SEMA4D: variants seen among roughly 807,000 people sequenced by gnomAD.
SEMA4D encodes semaphorin 4D.
Under a neutral mutation model 74.8 loss-of-function variants are expected in SEMA4D, and 22 were observed. The observed-to-expected ratio is 0.29, with a 90% CI of 0.21 to 0.42. The LOEUF (loss-of-function observed/expected upper bound fraction) is 0.42, where lower values mean the gene tolerates loss of function less well. Ranked by LOEUF, SEMA4D falls within the 10% of genes least tolerant of loss-of-function variation. The pLI, the probability that SEMA4D is intolerant of heterozygous loss-of-function variation, is 1.00. For synonymous variants in SEMA4D, 445 were observed against 463.7 expected (o/e 0.96, Z 0.52); for missense variants, 937 against 1,118.4 (o/e 0.84, Z 2.31).
At chr9:89,363,513 C>T in exon 18 of SEMA4D, 1 of 1,614,100 alleles carries the variant, frequency 6.2e-7, no homozygotes, top group Non-Finnish European at 8.5e-7. Flanking sequence ...GTCCACCTCT[C>T]CTGGTGGGTC....
intron 18 of SEMA4D, among the ~76,000 whole-genome samples, chr9:89,363,207 T>C (rs578065393): frequency 5.9e-5 from 9 of 152,330 alleles, no homozygotes; most frequent in African/African-American, 1.9e-4. Context: ...CAGTCTCTTT[T>C]AAGGGCTGGG....
At chr9:89,442,805 C>A (rs1274992101) in intron 2 of SEMA4D, among the ~76,000 whole-genome samples, 2 of 152,216 alleles carry the variant, frequency 1.3e-5, no homozygotes, top group African/African-American at 4.8e-5. Context: ...ATCCTTCTCA[C>A]CATTTCCCAG....
chr9:89,392,438 T>C lies in SEMA4D; in HGVS notation c.607A>G (p.Ile203Val), dbSNP rs746515145. 2 of 1,612,730 alleles carry C rather than the reference T, an allele frequency of 1.2e-6. No individual in the cohort carries two copies. Among genetic ancestry groups the C allele is most frequent in the Admixed American group, 3.3e-5 (2 of 60,014 alleles). Residue 203 changes from isoleucine (I) to valine (V), a missense_variant, in exon 8 of 16, where the codon ATC becomes GTC. Transcript: ENST00000422704. ...SHSPLRTEYA[I>V]PWLNEPSFVF... ...TCTTCCTTACCGTTCAGCCAAGGGATTGCATATTCTGTCCTCAGAGGACTG... is the reference window on the plus strand; with the variant it reads ...TCTTCCTTACCGTTCAGCCAAGGGACTGCATATTCTGTCCTCAGAGGACTG...
intron 1 of SEMA4D, among the ~76,000 whole-genome samples, chr9:89,460,333 G>A (rs995346609): frequency 6.6e-6 from 1 of 152,190 alleles, no homozygotes; most frequent in East Asian, 1.9e-4. Context: ...ACAAAGAAAA[G>A]CCCTTTGGCC....
Position 89,382,920 on chromosome 9 carries a change from T to C in SEMA4D, c.1447-1574A>G, listed in dbSNP as rs111945572. Among the ~76,000 whole-genome samples, 995 of 152,208 alleles carry C rather than the reference T, an allele frequency of 6.5e-3. 12 individuals are homozygous for C. The highest frequency in any genetic ancestry group is 0.026 in the South Asian group (124 of 4,818). ...GGTGGGCTCTGGGGGGCAAGGCCTG[T>C]CCCAAGGGGATCCAGACCACCTCCT... is the stretch of plus-strand genomic sequence containing the variant. On this transcript the variant is annotated intron_variant, in intron 13 of 15. Transcript: ENST00000422704.
At chr9:89,475,476 CCCT>C (rs1309079234) in intron 1 of SEMA4D, among the ~76,000 whole-genome samples, 1 of 152,206 alleles carries the variant, frequency 6.6e-6, no homozygotes, top group African/African-American at 2.4e-5. Context: ...TGACCTGAGT[CCCT>C]CCTACCTCTG....
At chr9:89,466,293 A>G (rs188445312) in intron 1 of SEMA4D, among the ~76,000 whole-genome samples, 2 of 152,330 alleles carry the variant, frequency 1.3e-5, no homozygotes, top group African/African-American at 4.8e-5. Context: ...CCACGTAGTG[A>G]TGCAGACTCA....
intron 3 of SEMA4D, 51 bp downstream of exon 3, chr9:89,405,300 G>C: frequency 6.7e-7 from 1 of 1,495,054 alleles, no homozygotes; most frequent in Non-Finnish European, 9.3e-7. Context: ...ATCCCAGGCA[G>C]TGAGGTCCCC....
chr9:89,493,924 G>A (rs1271421704), intron 1 of SEMA4D, among the ~76,000 whole-genome samples: 1 of 152,178 alleles, frequency 6.6e-6, no homozygotes, highest in East Asian at 1.9e-4. Flanking sequence ...TGAGTGTAAG[G>A]ATAACCCTTC....
At chr9:89,391,441 C>T in intron 8 of SEMA4D, 26 bp from the exon 9 acceptor site, 1 of 1,613,594 alleles carries the variant, frequency 6.2e-7, no homozygotes, top group Non-Finnish European at 8.5e-7. Context: ...AGTGATTATC[C>T]CAGAACACAG....
chr9:89,426,095 A>AGC (rs1010332774), intron 2 of SEMA4D, among the ~76,000 whole-genome samples: 1 of 152,122 alleles, frequency 6.6e-6, no homozygotes, highest in African/African-American at 2.4e-5. Context: ...CCGCAGGGGG[A>AGC]GCGCATGCAG....
intron 2 of SEMA4D, among the ~76,000 whole-genome samples, chr9:89,435,173 AAG>A (rs1276874992): frequency 2.0e-5 from 3 of 152,186 alleles, no homozygotes; most frequent in African/African-American, 7.2e-5. Flanking sequence ...AATCCCCACT[AAG>A]AGAGTCATGA....
chr9:89,477,853 A>G (rs1470940054), intron 1 of SEMA4D, among the ~76,000 whole-genome samples: 1 of 152,246 alleles, frequency 6.6e-6, no homozygotes, highest in Non-Finnish European at 1.5e-5. Context: ...ATATCCAACA[A>G]GTATTCTTGT....
intron 18 of SEMA4D, chr9:89,362,517 G>T (rs1016523807): frequency 3.7e-6 from 6 of 1,610,734 alleles, no homozygotes; most frequent in Admixed American, 1.7e-5. Context: ...GCCCATCCCA[G>T]GCAGAGCACT....
intron 4 of SEMA4D, among the ~76,000 whole-genome samples, chr9:89,402,281 A>G (rs544901548): frequency 6.6e-6 from 1 of 152,290 alleles, no homozygotes; most frequent in Admixed American, 6.5e-5. Flanking sequence ...TCAGGAAGGA[A>G]ACCGAGGCTG....
intron 18 of SEMA4D, among the ~76,000 whole-genome samples, chr9:89,362,703 GAGGATC>G (rs1832884534): frequency 1.3e-5 from 2 of 152,250 alleles, no homozygotes; most frequent in South Asian, 4.1e-4. Flanking sequence ...CTGAAGTACA[GAGGATC>G]AGCTGTAAAT....
At chr9:89,389,882 CAT>C (rs1178018180) in intron 9 of SEMA4D, among the ~76,000 whole-genome samples, 1 of 152,166 alleles carries the variant, frequency 6.6e-6, no homozygotes, top group East Asian at 1.9e-4. Context: ...TCAGGGGTCT[CAT>C]GTGGCTTTCA....
chr9:89,388,638 C>T lies in SEMA4D; in HGVS notation c.1105G>A (p.Ala369Thr), dbSNP rs765099318. 3 of 1,597,998 alleles carry T rather than the reference C, an allele frequency of 1.9e-6. No individual in the cohort carries two copies. The highest frequency in any genetic ancestry group is 2.2e-5 in the South Asian group (2 of 90,304). The change falls in exon 11 of 16, where the codon GCG (alanine) becomes ACG (threonine). Residue 369 changes from alanine to threonine, a missense_variant and splice_region_variant. Physicochemically the swap from Ala to Thr is moderately conservative, Grantham distance 58. Transcript: ENST00000422704. The stretch of plus-strand genomic sequence containing the variant: ...CCGCCCCCAGTGCCCCAGCTCACCG[C>T]TCCAGGCCGCGGCTTGGGTACCGGG... ...NGPVPKPRPGACIDSEARAAN... is the reference protein window; with the variant it reads ...NGPVPKPRPGTCIDSEARAAN...
intron 15 of SEMA4D, 28 bp from the exon 16 acceptor site, chr9:89,379,657 C>A: frequency 6.3e-7 from 1 of 1,577,522 alleles, no homozygotes; most frequent in South Asian, 1.2e-5. Context: ...ACGTGCACAG[C>A]GTCAACAATC....
Sources: allele counts gnomAD v4.1 joint callset (sites outside exome capture counted in the v4.1 genomes callset), GRCh38; gene constraint gnomAD v4.1.1; transcripts MANE v1.5; gene names NCBI Gene and HGNC (gene_info 2026-07-23, HGNC 2026-07-21).